Variants in COL28A1 observed in about 807,000 individuals in gnomAD.
COL28A1 encodes collagen alpha-1(XXVIII) chain.
COL28A1 carries 161 observed loss-of-function variants against 150.2 expected under a neutral mutation model. The observed-to-expected ratio is 1.07, with a 90% CI of 0.94 to 1.22. The LOEUF (loss-of-function observed/expected upper bound fraction) is 1.22, where lower values mean the gene tolerates loss of function less well. COL28A1 is among the 50% of genes most tolerant of loss of function. The pLI is 0.00. For synonymous variants in COL28A1, 552 were observed against 469.7 expected (o/e 1.18, Z -2.26); for missense variants, 1,617 against 1,388.3 (o/e 1.16, Z -2.62).
chr7:7,388,858 T>C (rs1782362876), intron 27 of COL28A1, among the ~76,000 whole-genome samples: 1 of 152,184 alleles, frequency 6.6e-6, no homozygotes, highest in African/African-American at 2.4e-5. Flanking sequence ...GTTGTTTTTT[T>C]CTTGTAAATT....
chr7:7,526,634 C>T (rs1562916392), intron 3 of COL28A1, among the ~76,000 whole-genome samples: 1 of 150,204 alleles, frequency 6.7e-6, no homozygotes, highest in Non-Finnish European at 1.5e-5. Flanking sequence ...TGAGCAATAT[C>T]TTTTTTTTTT....
At chr7:7,489,932 C>G (rs1475002280) in intron 12 of COL28A1, among the ~76,000 whole-genome samples, 1 of 152,218 alleles carries the variant, frequency 6.6e-6, no homozygotes, top group East Asian at 1.9e-4. Flanking sequence ...TTCCTGGAGT[C>G]TCAATGTGCT....
At chr7:7,430,422 T>G (rs1784898122) in intron 25 of COL28A1, among the ~76,000 whole-genome samples, 1 of 152,154 alleles carries the variant, frequency 6.6e-6, no homozygotes, top group Non-Finnish European at 1.5e-5. Context: ...CCACCACACC[T>G]GGCTAGTTTT....
At chr7:7,451,406 A>T in intron 18 of COL28A1, among the ~76,000 whole-genome samples, 1 of 152,006 alleles carries the variant, frequency 6.6e-6, no homozygotes, top group Non-Finnish European at 1.5e-5. Context: ...TTGTATTTTT[A>T]GTAGAGACGG....
intron 11 of COL28A1, among the ~76,000 whole-genome samples, chr7:7,497,820 A>G (rs1780302201): frequency 6.6e-6 from 1 of 152,194 alleles, no homozygotes. Flanking sequence ...AAAGTAATGT[A>G]AATTATAACT....
chr7:7,366,886 G>C (rs952814446), intron 33 of COL28A1, among the ~76,000 whole-genome samples: 2 of 152,214 alleles, frequency 1.3e-5, no homozygotes, highest in Admixed American at 1.3e-4. Flanking sequence ...TTTGGATACT[G>C]TAATTATACT....
At chr7:7,522,486 A>T (rs1222589563) in intron 4 of COL28A1, among the ~76,000 whole-genome samples, 2 of 152,206 alleles carry the variant, frequency 1.3e-5, no homozygotes, top group Non-Finnish European at 2.9e-5. Context: ...CAACTCTGAA[A>T]TCAGAATGAG....
Position 7,455,947 on chromosome 7 carries a change from A to C in COL28A1, c.1371+97T>G. ...ATACTCCACTGCAATTAACTGTCAA[A>C]TATACTCATAGATGTTTGCAGGACT... On this transcript the variant is annotated intron_variant, in intron 16 of 34. Transcript: ENST00000399429. The C allele has an allele frequency of 2.6e-6, 4 of 1,509,500 alleles. No individual in the cohort carries two copies. In the East Asian group the frequency reaches 9.4e-5, roughly 35 times the overall value. The allele number at this position is 1,509,500 out of a possible 1,614,324, so 93.5% of individuals were successfully genotyped here.
At chr7:7,527,289 G>C (rs1030992197) in intron 3 of COL28A1, among the ~76,000 whole-genome samples, 1 of 152,228 alleles carries the variant, frequency 6.6e-6, no homozygotes. Context: ...AACCCGAGTA[G>C]GAAGGAGGTC....
the COL28A1 span, among the ~76,000 whole-genome samples, chr7:7,348,915 T>A: frequency 5.3e-5 from 8 of 151,982 alleles, no homozygotes; most frequent in African/African-American, 7.3e-5. Context: ...GATAATTTTT[T>A]AAATTATTTT....
At chr7:7,448,462 A>T (rs1196261999) in intron 18 of COL28A1, among the ~76,000 whole-genome samples, 17 of 150,796 alleles carry the variant, frequency 1.1e-4, no homozygotes, top group Non-Finnish European at 2.9e-5. Context: ...AAAAAATAAT[A>T]AGCAAAGATT....
downstream of COL28A1, among the ~76,000 whole-genome samples, chr7:7,352,688 G>A (rs921899851): frequency 6.6e-6 from 1 of 152,146 alleles, no homozygotes; most frequent in South Asian, 2.1e-4. Context: ...ACAGCCCTAT[G>A]GACACTTTGA....
At chr7:7,408,044 T>C (rs1436744222) in intron 27 of COL28A1, among the ~76,000 whole-genome samples, 1 of 152,170 alleles carries the variant, frequency 6.6e-6, no homozygotes, top group Non-Finnish European at 1.5e-5. Context: ...TTTTCCATTT[T>C]CTTCTTAATT....
chr7:7,513,210 A>G (rs1781242263), intron 8 of COL28A1, among the ~76,000 whole-genome samples: 1 of 152,208 alleles, frequency 6.6e-6, no homozygotes, highest in South Asian at 2.1e-4. Context: ...GCTAATCCCC[A>G]TAGCAGCCTT....
intron 27 of COL28A1, among the ~76,000 whole-genome samples, chr7:7,416,668 C>T (rs895364947): frequency 2.0e-5 from 3 of 152,250 alleles, no homozygotes; most frequent in Middle Eastern, 6.8e-3. Flanking sequence ...GCCTATTTGG[C>T]CTTTGCTTAG....
chr7:7,395,426 TCTTC>T (rs1287842475), intron 27 of COL28A1, among the ~76,000 whole-genome samples: 1 of 152,252 alleles, frequency 6.6e-6, no homozygotes, highest in Admixed American at 6.5e-5. Context: ...TAAGTTGCTT[TCTTC>T]CTTATCATTT....
chr7:7,511,009 A>G, intron 9 of COL28A1, 82 bp downstream of exon 9: 1 of 1,104,506 alleles, frequency 9.1e-7, no homozygotes, highest in Admixed American at 1.7e-5. Context: ...GATCACCATA[A>G]TTCAGCCCAG....
chr7:7,478,530 C>T (rs1179729772), intron 13 of COL28A1, among the ~76,000 whole-genome samples: 1 of 152,290 alleles, frequency 6.6e-6, no homozygotes, highest in Non-Finnish European at 1.5e-5. Context: ...CTGCCAGTCC[C>T]AGGCCCTGCG....
intron 15 of COL28A1, among the ~76,000 whole-genome samples, chr7:7,459,344 G>C (rs970657175): frequency 6.6e-6 from 1 of 152,190 alleles, no homozygotes; most frequent in Non-Finnish European, 1.5e-5. Flanking sequence ...ACAAAGAATT[G>C]TATTGCATCT....
Sources: allele counts gnomAD v4.1 joint callset (sites outside exome capture counted in the v4.1 genomes callset), GRCh38; gene constraint gnomAD v4.1.1; transcripts MANE v1.5; gene names NCBI Gene and HGNC (gene_info 2026-07-23, HGNC 2026-07-21).